ARPP19: variants seen among roughly 807,000 people sequenced by gnomAD.
ARPP19 encodes cAMP-regulated phosphoprotein 19.
Under a neutral mutation model 12.0 loss-of-function variants are expected in ARPP19, and 8 were observed. The ratio of observed to expected loss-of-function variants is 0.67; its 90% confidence interval spans 0.39 to 1.21. The LOEUF (loss-of-function observed/expected upper bound fraction) is 1.21, where lower values mean the gene tolerates loss of function less well. Among genes scored for constraint, ARPP19 ranks in the 50% most tolerant of loss-of-function variants. The pLI, the probability that ARPP19 is intolerant of heterozygous loss-of-function variation, is 0.01. For synonymous variants in ARPP19, 47 were observed against 50.4 expected, an observed-to-expected ratio of 0.93 and a Z score of 0.29; for missense variants, 102 against 136.3, an observed-to-expected ratio of 0.75 and a Z score of 1.25.
At chr15:52,557,074 T>C (rs1211374872) in intron 2 of ARPP19, 26 bp downstream of exon 2, 1 of 1,609,312 alleles carries the variant, frequency 6.2e-7, no homozygotes, top group Non-Finnish European at 8.5e-7. Context: ...GGCTTAAGTA[T>C]TTGGAAATTA....
At chr15:52,565,974 C>T (rs141869677) in intron 1 of ARPP19, among the ~76,000 whole-genome samples, 1,545 of 152,150 alleles carry the variant, frequency 0.01, 20 homozygotes, top group African/African-American at 0.035. Flanking sequence ...CCTGCCTCAG[C>T]CTCCTGAGTA....
intron 1 of ARPP19, among the ~76,000 whole-genome samples, chr15:52,562,804 T>A (rs1049355253): frequency 2.0e-5 from 3 of 150,670 alleles, no homozygotes; most frequent in African/African-American, 7.3e-5. Flanking sequence ...AAAGCAGAAA[T>A]TAATGAAAAA....
chr15:52,566,572 A>G (rs1314527089), intron 1 of ARPP19, among the ~76,000 whole-genome samples: 1 of 151,986 alleles, frequency 6.6e-6, no homozygotes, highest in East Asian at 1.9e-4. Context: ...GCCTACAGAC[A>G]TGCCACCACA....
chr15:52,554,751 A>G lies in ARPP19; in HGVS notation c.168+2349T>C, dbSNP rs149424996. On this transcript the variant is annotated intron_variant, in intron 2 of 2. Coordinates refer to ENST00000249822, the MANE Select transcript of ARPP19 (RefSeq NM_006628.6). ...ACCCCTACAAATATGAAAAAACAAA[A>G]CAAAAAGCAAAAAGAAATAAAAAAT... 1.8e-3 allele frequency among the ~76,000 whole-genome samples: 270 copies of G among 152,224 alleles called. 3 individuals are homozygous for G. The East Asian group carries it at 0.034, about 19-fold the overall frequency.
In ARPP19 at chr15:52,568,805, C is replaced by A. The variant is rs9806462; in HGVS notation, c.45+43G>T. 1.8e-3 allele frequency: 2,729 copies of A among 1,487,550 alleles called. 48 individuals carry two copies. The African/African-American group carries it at 0.037, about 20-fold the overall frequency. The allele number at this position is 1,487,550 out of a possible 1,614,324, so 92.1% of individuals were successfully genotyped here. ...GGCGGGAGCAGGCCGCCCGCCAGAC[C>A]CGGCCTTGGGCAGGGCCCAGGGCTC... On this transcript the variant is annotated intron_variant, in intron 1 of 2. Transcript: ENST00000249822.
intron 1 of ARPP19, among the ~76,000 whole-genome samples, chr15:52,560,321 A>T (rs2078020544): frequency 6.6e-5 from 10 of 152,194 alleles, no homozygotes; most frequent in Admixed American, 6.5e-4. Flanking sequence ...CTTAATAAGG[A>T]ATACATTGAT....
At position 52,551,119 on chromosome 15, in the gene ARPP19, G is replaced by C. The variant is rs1395758228; in HGVS notation, c.*815C>G. On this transcript the variant is annotated 3_prime_UTR_variant, in exon 3 of 3. Transcript: ENST00000249822. ...TAATGATTTACAGAGTTTTGTGTAG[G>C]AACTCTTGTGCTTCTGGTTGGCACA... The C allele has an allele frequency of 6.6e-6, 1 of 152,632 alleles. No individual in the cohort carries two copies. Among genetic ancestry groups the C allele is most frequent in the Non-Finnish European group, 1.5e-5 (1 of 68,034 alleles). 9.5% of individuals were successfully genotyped at this position (152,632 alleles called of 1,614,324 possible). A position where few individuals can be genotyped will look rare whatever the true frequency, so the allele number is the denominator to read the frequency against.
chr15:52,551,831 C>T lies in ARPP19; in HGVS notation c.*103G>A. On this transcript the variant is annotated 3_prime_UTR_variant, in exon 3 of 3. Coordinates refer to ENST00000249822, the MANE Select transcript of ARPP19 (RefSeq NM_006628.6). Reference sequence around the variant, plus strand: ...ACACTACTGCTACCTGCAAAGCTGTCAGTCTCAAATGACTAGTGAATGAAA... The same window carrying T: ...ACACTACTGCTACCTGCAAAGCTGTTAGTCTCAAATGACTAGTGAATGAAA... 1 of 859,764 alleles carries T rather than the reference C, an allele frequency of 1.2e-6. No individual in the cohort carries two copies. Among genetic ancestry groups the T allele is most frequent in the Non-Finnish European group, 1.9e-6 (1 of 533,482 alleles). The allele number at this position is 859,764 out of a possible 1,614,324, so 53.3% of individuals were successfully genotyped here.
At chr15:52,567,853 A>G (rs1053329529) in intron 1 of ARPP19, among the ~76,000 whole-genome samples, 1 of 152,116 alleles carries the variant, frequency 6.6e-6, no homozygotes, top group African/African-American at 2.4e-5. Flanking sequence ...TTAAGCAGAA[A>G]CCCGCACGAA....
intron 2 of ARPP19, among the ~76,000 whole-genome samples, chr15:52,554,252 T>C (rs2077961637): frequency 6.6e-6 from 1 of 152,100 alleles, no homozygotes; most frequent in African/African-American, 2.4e-5. Context: ...GGGGTCTCAA[T>C]TAACTGTAGA....
At chr15:52,552,839 T>C (rs897010145) in intron 2 of ARPP19, among the ~76,000 whole-genome samples, 1 of 151,876 alleles carries the variant, frequency 6.6e-6, no homozygotes, top group African/African-American at 2.4e-5. Flanking sequence ...GGAGGCCGAG[T>C]TGGGTGGATC....
At chr15:52,553,236 TTAGAG>T (rs2077952291) in intron 2 of ARPP19, among the ~76,000 whole-genome samples, 1 of 152,136 alleles carries the variant, frequency 6.6e-6, no homozygotes, top group Non-Finnish European at 1.5e-5. Context: ...AATATAAATA[TTAGAG>T]TAATGAAAGA....
Position 52,547,415 on chromosome 15 carries a change from G to A in ARPP19, c.*4519C>T, listed in dbSNP as rs2077887386. ...TTGGCCCTTTCAGTACAGGCGAAGT[G>A]TTCTATTGCATCACAAGTGCTAGTG... On this transcript the variant is annotated 3_prime_UTR_variant, in exon 3 of 3. Coordinates refer to ENST00000249822, the MANE Select transcript of ARPP19 (RefSeq NM_006628.6). 6.6e-6 allele frequency: 1 copy of A among 152,216 alleles called. No homozygotes were observed. Among genetic ancestry groups the A allele is most frequent in the Non-Finnish European group, 1.5e-5 (1 of 68,042 alleles). The allele number at this position is 152,216 out of a possible 1,614,324, so 9.4% of individuals were successfully genotyped here.
chr15:52,567,420 C>G (rs1410227098), intron 1 of ARPP19, among the ~76,000 whole-genome samples: 1 of 152,188 alleles, frequency 6.6e-6, no homozygotes, highest in Admixed American at 6.5e-5. Context: ...ACATAGCACA[C>G]TACTGTGCAC....
chr15:52,563,277 T>C (rs993199236), intron 1 of ARPP19, among the ~76,000 whole-genome samples: 31 of 152,278 alleles, frequency 2.0e-4, no homozygotes, highest in African/African-American at 7.0e-4. Context: ...GTAATGTAAA[T>C]GGATTTACTT....
chr15:52,565,571 T>C (rs922593413), intron 1 of ARPP19, among the ~76,000 whole-genome samples: 3 of 152,218 alleles, frequency 2.0e-5, no homozygotes, highest in African/African-American at 7.2e-5. Context: ...CTCAGCAGGT[T>C]ACTCCAACTG....
In ARPP19 at chr15:52,568,992, G is replaced by A. The variant is rs1395272820; in HGVS notation, c.-100C>T. ...GTCCCAGCTCTCCCAGGGCCCGCCGGGCCGCCTCCGCCCGCGAAAATGGCC... is the reference window on the plus strand; with the variant it reads ...GTCCCAGCTCTCCCAGGGCCCGCCGAGCCGCCTCCGCCCGCGAAAATGGCC... On this transcript the variant is annotated 5_prime_UTR_variant, in exon 1 of 3. Transcript: ENST00000249822. 1.2e-6 allele frequency: 1 copy of A among 849,338 alleles called. No homozygotes were observed. The highest frequency in any genetic ancestry group is 1.8e-6 in the Non-Finnish European group (1 of 554,974). The allele number at this position is 849,338 out of a possible 1,614,324, so 52.6% of individuals were successfully genotyped here. A position where few individuals can be genotyped will look rare whatever the true frequency, so the allele number is the denominator to read the frequency against.
intron 2 of ARPP19, among the ~76,000 whole-genome samples, chr15:52,555,053 T>TA (rs1330774451): frequency 5.9e-5 from 9 of 151,876 alleles, no homozygotes; most frequent in Admixed American, 3.3e-4. Context: ...TCCAGAGTTT[T>TA]AAAAAAAATC....
chr15:52,554,724 C>T (rs371893365), intron 2 of ARPP19, among the ~76,000 whole-genome samples: 1 of 152,166 alleles, frequency 6.6e-6, no homozygotes, highest in East Asian at 1.9e-4. Flanking sequence ...AGGGACTTCA[C>T]AACCCCTACA....
Sources: gnomAD v4.1 joint callset for allele counts (sites outside exome capture counted in the v4.1 genomes callset) on GRCh38, gnomAD v4.1.1 for gene constraint, MANE v1.5 for transcripts, NCBI Gene and HGNC (gene_info 2026-07-23, HGNC 2026-07-21) for gene names.